The following PDE2A variants were observed in gnomAD, a reference collection of about 807,000 sequenced individuals.
PDE2A encodes the protein cGMP-dependent 3',5'-cyclic phosphodiesterase.
In PDE2A, 53 loss-of-function variants were observed where a neutral mutation model predicts 133.6. The ratio of observed to expected loss-of-function variants is 0.40; its 90% CI spans 0.32 to 0.50. The LOEUF (loss-of-function observed/expected upper bound fraction) is 0.50. Ranked by LOEUF, PDE2A falls within the 20% of genes least tolerant of loss-of-function variation. PDE2A has a pLI of 0.73. For missense variants in PDE2A, 796 were observed against 1,232.4 expected (o/e 0.65, Z 5.30); for synonymous variants, 491 against 490.2 (o/e 1.00, Z -0.02).
intron 1 of PDE2A, among the ~76,000 whole-genome samples, chr11:72,659,863 C>A (rs1019243990): frequency 4.4e-4 from 67 of 152,272 alleles, no homozygotes; most frequent in African/African-American, 1.3e-3. Flanking sequence ...GCCGATCCAA[C>A]CCTCACATCC....
intron 2 of PDE2A, among the ~76,000 whole-genome samples, chr11:72,641,418 G>A (rs1387420313): frequency 6.6e-6 from 1 of 152,224 alleles, no homozygotes; most frequent in Non-Finnish European, 1.5e-5. Flanking sequence ...ACAAGAGGAA[G>A]GGGTGGCTGC....
Position 72,584,182 on chromosome 11 carries a change from CTCCCA to C in PDE2A, c.1650+14_1650+18del. Reference sequence around the variant, plus strand: ...CCGCCCCCTATCACCCCACACCCCACTCCCAACCCCGCCCTCACATGGGCGATGCT... The same window carrying C: ...CCGCCCCCTATCACCCCACACCCCACACCCCGCCCTCACATGGGCGATGCT... On this transcript the variant is annotated intron_variant, in intron 19 of 30. Transcript: ENST00000334456. The C allele has an allele frequency of 7.5e-7, 1 of 1,328,804 alleles. No homozygotes were observed. Among genetic ancestry groups the C allele is most frequent in the Non-Finnish European group, 1.1e-6 (1 of 927,364 alleles). The allele number at this position is 1,328,804 out of a possible 1,614,324, so 82.3% of individuals were successfully genotyped here. A position where few individuals can be genotyped will look rare whatever the true frequency, so the allele number is the denominator to read the frequency against.
chr11:72,668,590 C>T (rs1024331073), intron 1 of PDE2A, among the ~76,000 whole-genome samples: 6 of 152,242 alleles, frequency 3.9e-5, no homozygotes, highest in Non-Finnish European at 7.3e-5. Context: ...GGCCGGCCCT[C>T]GGCCAGCCTT....
chr11:72,658,171 AC>A (rs1854951427), intron 1 of PDE2A: 1 of 454,578 alleles, frequency 2.2e-6, no homozygotes, highest in African/African-American at 2.0e-5. Flanking sequence ...AGGATGCCCC[AC>A]CCCGACTTAT....
chr11:72,653,108 G>A (rs1025703734), intron 1 of PDE2A, among the ~76,000 whole-genome samples: 3 of 152,234 alleles, frequency 2.0e-5, no homozygotes, highest in Non-Finnish European at 4.4e-5. Context: ...AACAAGGCAC[G>A]GTGCAGGGCG....
Position 72,590,598 on chromosome 11 carries a change from G to A in PDE2A, c.550-18C>T. 7.4e-7 allele frequency: 1 copy of A among 1,355,286 alleles called. No individual in the cohort carries two copies. 84.0% of individuals were successfully genotyped at this position (1,355,286 alleles called of 1,614,324 possible). A position where few individuals can be genotyped will look rare whatever the true frequency, so the allele number is the denominator to read the frequency against. ...ACCAGGGTCTGGGGCAGGCCGAGCG[G>A]TTAGCGCGCCGCTCGCCCCAAGCTC... On this transcript the variant is annotated intron_variant, in intron 7 of 30. Transcript: ENST00000334456. The surrounding 1 kb of genome is among the most constrained non-coding windows in gnomAD (Gnocchi z 4.8).
intron 16 of PDE2A, 55 bp downstream of exon 16, chr11:72,585,316 T>G: frequency 1.4e-6 from 2 of 1,440,938 alleles, no homozygotes; most frequent in Admixed American, 3.4e-5. Context: ...AAGGAGATGA[T>G]GGGGACTGAA....
chr11:72,620,272 C>T (rs1857690606), intron 2 of PDE2A, among the ~76,000 whole-genome samples: 2 of 152,160 alleles, frequency 1.3e-5, no homozygotes, highest in African/African-American at 2.4e-5. Context: ...CTCCTCACTT[C>T]CCTGGGGCCC....
chr11:72,577,418 G>C lies in PDE2A; in HGVS notation c.2792C>G (p.Pro931Arg), dbSNP rs1035527652. 3 of 1,613,766 alleles carry C rather than the reference G, an allele frequency of 1.9e-6. No homozygotes were observed. Among genetic ancestry groups the C allele is most frequent in the African/African-American group, 2.7e-5 (2 of 74,886 alleles). Residue 931 changes from proline to arginine, a missense_variant, in exon 31 of 31, where the codon CCC becomes CGC. Transcript: ENST00000334456. ...ATCAAGGCTGCAGCAGCCATTGATG[G>C]GGGCCCTAGTGCCATCCAGATCAGG... ...EVPDLDGTRA[P>R]INGCCSLDAE
intron 2 of PDE2A, among the ~76,000 whole-genome samples, chr11:72,636,571 G>C (rs1307810620): frequency 6.6e-6 from 1 of 152,076 alleles, no homozygotes; most frequent in Non-Finnish European, 1.5e-5. Flanking sequence ...CCTGACACAG[G>C]CCCAGGCATC....
chr11:72,627,769 C>T (rs1858158600), intron 2 of PDE2A, among the ~76,000 whole-genome samples: 3 of 152,230 alleles, frequency 2.0e-5, no homozygotes, highest in Non-Finnish European at 4.4e-5. Flanking sequence ...GCCCCCATCC[C>T]AGCTAAGGCT....
intron 13 of PDE2A, among the ~76,000 whole-genome samples, chr11:72,587,522 T>C (rs572517839): frequency 6.6e-6 from 1 of 152,280 alleles, no homozygotes; most frequent in South Asian, 2.1e-4. Flanking sequence ...ATACCACCTC[T>C]TCTCCAGCTC....
Position 72,589,247 on chromosome 11 carries a change from G to T in PDE2A, c.874-7C>A. 1.9e-6 allele frequency: 3 copies of T among 1,611,336 alleles called. No homozygotes were observed. Among genetic ancestry groups the T allele is most frequent in the Non-Finnish European group, 1.7e-6 (2 of 1,177,836 alleles). On this transcript the variant is annotated splice_region_variant and splice_polypyrimidine_tract_variant and intron_variant, in intron 11 of 30. Coordinates refer to ENST00000334456, the MANE Select transcript of PDE2A (RefSeq NM_002599.5). ...GGCCCAGGCATCCTGTCAACTAGGG[G>T]GTGAGGAGAGACTGAGTCAGGGCCC... is the stretch of plus-strand genomic sequence containing the variant.
intron 1 of PDE2A, among the ~76,000 whole-genome samples, chr11:72,667,331 T>G (rs1488229908): frequency 6.6e-6 from 1 of 152,114 alleles, no homozygotes; most frequent in Non-Finnish European, 1.5e-5. Context: ...AGACCCCAAC[T>G]GCAATGTCAT....
At chr11:72,620,819 T>G (rs1591084262) in intron 2 of PDE2A, among the ~76,000 whole-genome samples, 3 of 147,294 alleles carry the variant, frequency 2.0e-5, no homozygotes, top group African/African-American at 5.1e-5. Context: ...CAGGAGTGAG[T>G]GGGCAGGAGG....
At chr11:72,645,661 G>T (rs957821671) in intron 1 of PDE2A, among the ~76,000 whole-genome samples, 4 of 152,226 alleles carry the variant, frequency 2.6e-5, no homozygotes, top group African/African-American at 9.6e-5. Context: ...CTAATTTGCT[G>T]CCAGGTCAGA....
intron 2 of PDE2A, among the ~76,000 whole-genome samples, chr11:72,618,981 G>A (rs1185434163): frequency 1.3e-5 from 2 of 152,196 alleles, no homozygotes; most frequent in Non-Finnish European, 2.9e-5. Flanking sequence ...CGGAGTCTCT[G>A]GAATCTCTCC....
At position 72,674,219 on chromosome 11, in the gene PDE2A, G is replaced by A. The variant is rs199685464; in HGVS notation, c.-12C>T. ...CATGCCTGCCCCATCACTCCTCATC[G>A]TCCGCCTCCCCAGCCAGACTAAGGT... is the stretch of plus-strand genomic sequence containing the variant. On this transcript the variant is annotated 5_prime_UTR_variant, in exon 1 of 31. The change creates a new upstream start codon in the 5' untranslated region. Transcript: ENST00000334456. 55 of 1,606,002 alleles carry A rather than the reference G, an allele frequency of 3.4e-5. 1 individual carries two copies. The highest frequency in any genetic ancestry group is 5.3e-5 in the African/African-American group (4 of 74,848).
intron 1 of PDE2A, among the ~76,000 whole-genome samples, chr11:72,669,220 T>C (rs1463987740): frequency 6.6e-6 from 1 of 152,204 alleles, no homozygotes; most frequent in Non-Finnish European, 1.5e-5. Context: ...TGCCACCTTC[T>C]CTGCTCTATC....
Sources: allele counts gnomAD v4.1 joint callset (sites outside exome capture counted in the v4.1 genomes callset), GRCh38; gene constraint gnomAD v4.1.1; non-coding constraint Gnocchi (gnomAD v3.1); transcripts MANE v1.5; gene names NCBI Gene and HGNC (gene_info 2026-07-23, HGNC 2026-07-21).